The following DNAH8 variants were observed in gnomAD, a reference collection of about 807,000 sequenced individuals.
The protein encoded by DNAH8 is dynein axonemal heavy chain 8.
In DNAH8, 382 loss-of-function variants were observed where a neutral mutation model predicts 562.1. That is an observed-to-expected ratio of 0.68 (90% CI 0.63 to 0.74). The LOEUF is 0.74. DNAH8 is among the 30% of genes least tolerant of loss of function. The probability of loss-of-function intolerance (pLI) is 0.00; values close to 1 mark genes in which losing one functional copy is unlikely to be tolerated. For missense variants in DNAH8, 5,203 were observed against 5,620.4 expected (o/e 0.93, Z 2.37); for synonymous variants, 1,881 against 1,919.4 (o/e 0.98, Z 0.52).
At chr6:38,859,081 A>C (rs911077326) in intron 42 of DNAH8, among the ~76,000 whole-genome samples, 1 of 152,234 alleles carries the variant, frequency 6.6e-6, no homozygotes, top group Non-Finnish European at 1.5e-5. Flanking sequence ...ATGAGATGTC[A>C]TGGCCAACAT....
intron 26 of DNAH8, 27 bp downstream of exon 26, chr6:38,815,684 C>T: frequency 6.4e-7 from 1 of 1,568,676 alleles, no homozygotes; most frequent in Non-Finnish European, 8.7e-7. Flanking sequence ...AGTCAATGAT[C>T]TTACTGATCC....
chr6:38,886,898 G>A lies in DNAH8; in HGVS notation c.8367G>A (p.Met2789Ile), dbSNP rs1321513367. 1 of 1,613,832 alleles carries A rather than the reference G, an allele frequency of 6.2e-7. No individual in the cohort carries two copies. Among genetic ancestry groups the A allele is most frequent in the South Asian group, 1.1e-5 (1 of 91,078 alleles). Residue 2789 changes from methionine to isoleucine, a missense_variant, in exon 57 of 93, where the codon ATG (methionine) becomes ATA (isoleucine). Met to Ile is a conservative substitution (Grantham distance 10). Coordinates refer to ENST00000327475, the MANE Select transcript of DNAH8 (RefSeq NM_001206927.2). Reference protein sequence around the residue: ...TIVDVQLIAAMIHPGGGRNDI... With the variant: ...TIVDVQLIAAIIHPGGGRNDI... ...TTGATGTGCAGCTCATAGCAGCAAT[G>A]ATCCACCCTGGAGGTGGTCGAAATG...
chr6:38,736,653 T>G (rs1764113255), intron 5 of DNAH8, among the ~76,000 whole-genome samples: 1 of 152,202 alleles, frequency 6.6e-6, no homozygotes, highest in Non-Finnish European at 1.5e-5. Context: ...TTTCTGGGCT[T>G]TTGGTTTCTT....
At chr6:38,874,455 G>C (rs1777834422) in intron 52 of DNAH8, among the ~76,000 whole-genome samples, 1 of 150,848 alleles carries the variant, frequency 6.6e-6, no homozygotes, top group Non-Finnish European at 1.5e-5. Flanking sequence ...CTGCAACCTT[G>C]AAGTCCTGGG....
At chr6:38,902,617 G>T (rs1780151679) in intron 62 of DNAH8, among the ~76,000 whole-genome samples, 1 of 152,090 alleles carries the variant, frequency 6.6e-6, no homozygotes, top group Admixed American at 6.5e-5. Flanking sequence ...CTGTTTCTGG[G>T]GATCCTTGAG....
At chr6:38,933,328 G>GA (rs1234275902) in intron 76 of DNAH8, among the ~76,000 whole-genome samples, 1 of 151,978 alleles carries the variant, frequency 6.6e-6, no homozygotes, top group East Asian at 1.9e-4. Flanking sequence ...CCTTGCTGGA[G>GA]AAAAAAATGC....
At chr6:39,025,993 A>G (rs1767247643) in intron 91 of DNAH8, among the ~76,000 whole-genome samples, 1 of 152,250 alleles carries the variant, frequency 6.6e-6, no homozygotes, top group Non-Finnish European at 1.5e-5. Context: ...TCACTGTATT[A>G]TGCACATTAA....
chr6:38,944,340 G>T (rs1428160384), intron 79 of DNAH8, among the ~76,000 whole-genome samples: 1 of 152,152 alleles, frequency 6.6e-6, no homozygotes, highest in Non-Finnish European at 1.5e-5. Flanking sequence ...AAGCAAATGG[G>T]TTTACATGAA....
At chr6:38,719,531 A>G (rs1279181712) in intron 1 of DNAH8, among the ~76,000 whole-genome samples, 1 of 152,170 alleles carries the variant, frequency 6.6e-6, no homozygotes, top group Non-Finnish European at 1.5e-5. Flanking sequence ...AATGGCCTCT[A>G]GCTGCATACA....
intron 24 of DNAH8, among the ~76,000 whole-genome samples, chr6:38,812,693 TC>T (rs200592085): frequency 6.9e-4 from 105 of 152,068 alleles, no homozygotes; most frequent in African/African-American, 2.3e-3. Flanking sequence ...CAGGTGGATT[TC>T]CCCCCATTAA....
At chr6:39,006,331 CTT>C (rs138626392) in intron 88 of DNAH8, among the ~76,000 whole-genome samples, 14,883 of 152,242 alleles carry the variant, frequency 0.098, 873 homozygotes, top group Admixed American at 0.19. Context: ...CTTTTTAACT[CTT>C]TTTCAAATAT....
chr6:38,857,871 G>A, intron 42 of DNAH8, 129 bp downstream of exon 42: 2 of 632,082 alleles, frequency 3.2e-6, no homozygotes, highest in Non-Finnish European at 5.5e-6. Context: ...TCAATATCGT[G>A]TCCACAGTAT....
intron 42 of DNAH8, among the ~76,000 whole-genome samples, chr6:38,858,493 G>A (rs1411643670): frequency 6.6e-6 from 1 of 152,164 alleles, no homozygotes; most frequent in Non-Finnish European, 1.5e-5. Flanking sequence ...CATCCAGTCA[G>A]TCCGTCCATC....
chr6:38,787,716 A>G (rs1769307498), intron 18 of DNAH8, among the ~76,000 whole-genome samples: 1 of 151,736 alleles, frequency 6.6e-6, no homozygotes, highest in South Asian at 2.1e-4. Context: ...AAAAAAAAAA[A>G]AAGTGCCATC....
At chr6:38,746,237 C>T (rs1330711496) in intron 8 of DNAH8, among the ~76,000 whole-genome samples, 8 of 152,106 alleles carry the variant, frequency 5.3e-5, no homozygotes, top group East Asian at 3.8e-4. Flanking sequence ...TGGTTATAAT[C>T]GAATACTATC....
chr6:38,855,344 T>TTCTTACATAGGTAAGAAAC (rs1776112956), intron 41 of DNAH8, among the ~76,000 whole-genome samples: 1 of 152,156 alleles, frequency 6.6e-6, no homozygotes, highest in South Asian at 2.1e-4. Context: ...ACCTGCACGT[T>TTCTTACATAGGTAAGAAAC]CTGCACGTGT....
At chr6:38,840,858 G>A (rs1388133849) in intron 33 of DNAH8, among the ~76,000 whole-genome samples, 1 of 152,054 alleles carries the variant, frequency 6.6e-6, no homozygotes, top group Non-Finnish European at 1.5e-5. Context: ...GAAAGATTTT[G>A]CAATACTTTA....
Position 38,729,708 on chromosome 6 carries a change from C to T in DNAH8, c.526-194C>T, listed in dbSNP as rs529520688. Among the ~76,000 whole-genome samples the T allele has an allele frequency of 1.5e-4, 23 of 152,252 alleles. No homozygotes were observed. The South Asian group carries it at 4.6e-3, about 30-fold the overall frequency. ...GCTGCCCAAAACTATATATGTAGGTCATTAATGTAGGTTCAGAAATATAAT... is the reference window on the plus strand; with the variant it reads ...GCTGCCCAAAACTATATATGTAGGTTATTAATGTAGGTTCAGAAATATAAT... On this transcript the variant is annotated intron_variant, in intron 3 of 92. Coordinates refer to ENST00000327475, the MANE Select transcript of DNAH8 (RefSeq NM_001206927.2).
At chr6:38,930,349 G>T (rs532194069) in intron 75 of DNAH8, among the ~76,000 whole-genome samples, 16 of 152,176 alleles carry the variant, frequency 1.1e-4, no homozygotes, top group Admixed American at 9.2e-4. Context: ...CTGATTGGGT[G>T]TTTATTACTT....
Sources: allele counts gnomAD v4.1 joint callset (sites outside exome capture counted in the v4.1 genomes callset), GRCh38; gene constraint gnomAD v4.1.1; transcripts MANE v1.5; gene names NCBI Gene and HGNC (gene_info 2026-07-23, HGNC 2026-07-21).